The following WDR5 variants were observed in gnomAD, a reference collection of about 807,000 sequenced individuals.
The protein encoded by WDR5 is WD repeat domain 5, also known as WD repeat-containing protein 5.
For synonymous variants in WDR5, 144 were observed against 161.6 expected (o/e 0.89, Z 0.83); for missense variants, 187 against 416.9 (o/e 0.45, Z 4.80).
chr9:134,148,546 T>C (rs557533383), intron 8 of WDR5, among the ~76,000 whole-genome samples: 126 of 151,868 alleles, frequency 8.3e-4, no homozygotes, highest in African/African-American at 2.6e-3. Context: ...TGGGGCGGCA[T>C]GCCTGGGAAG....
chr9:134,142,542 T>G, intron 6 of WDR5, 94 bp from the exon 7 acceptor site: 1 of 1,557,840 alleles, frequency 6.4e-7, no homozygotes, highest in Non-Finnish European at 8.8e-7. Flanking sequence ...CTGTGCTGTT[T>G]GTGGGGAGGA....
At chr9:134,140,468 G>A (rs28436125) in intron 2 of WDR5, among the ~76,000 whole-genome samples, 3,041 of 152,252 alleles carry the variant, frequency 0.02, 45 homozygotes, top group Middle Eastern at 0.031. Context: ...TGCTGTTGGT[G>A]CTGAGTTTGG....
chr9:134,143,715 G>T (rs1327973490), intron 7 of WDR5, among the ~76,000 whole-genome samples: 1 of 151,826 alleles, frequency 6.6e-6, no homozygotes, highest in Admixed American at 6.6e-5. Context: ...TTTTAGTAGA[G>T]ACGGGGTTTC....
Position 134,146,531 on chromosome 9 carries a change from C to T in WDR5, c.529-1757C>T, listed in dbSNP as rs142263384. ...GATTACAGGCGTAAGCCACCGCGCC[C>T]GGCCTCCCTTATCTACCTCCTCGAA... On this transcript the variant is annotated intron_variant, in intron 7 of 13. Transcript: ENST00000358625. Among the ~76,000 whole-genome samples the T allele has an allele frequency of 3.1e-3, 468 of 152,344 alleles. 4 individuals carry two copies. The highest frequency in any genetic ancestry group is 0.01 in the African/African-American group (435 of 41,584).
At position 134,157,817 on chromosome 9, in the gene WDR5, T is replaced by C. The variant is rs924430993; in HGVS notation, c.905-76T>C. On this transcript the variant is annotated intron_variant, in intron 13 of 13. Coordinates refer to ENST00000358625, the MANE Select transcript of WDR5 (RefSeq NM_017588.3). This position sits in a 1 kb window ranked among gnomAD's most constrained non-coding sequence, Gnocchi z 5.0. ...CGCTACCCGCGTTTCTGGAGAAAGG[T>C]GGAGCTCAGTCTGGGATGGCGTCCC... 2 of 1,424,658 alleles carry C rather than the reference T, an allele frequency of 1.4e-6. No individual in the cohort carries two copies. The highest frequency in any genetic ancestry group is 2.0e-6 in the Non-Finnish European group (2 of 1,014,908). 88.3% of individuals were successfully genotyped at this position (1,424,658 alleles called of 1,614,324 possible). A position where few individuals can be genotyped will look rare whatever the true frequency, so the allele number is the denominator to read the frequency against.
At chr9:134,155,614 C>T (rs148171162) in intron 11 of WDR5, 79 bp from the exon 12 acceptor site, 102 of 1,461,656 alleles carry the variant, frequency 7.0e-5, no homozygotes, top group East Asian at 1.6e-4. Context: ...AGTAGTGAAA[C>T]GCCTTGCTTA....
chr9:134,153,181 TTG>T (rs1832580428), intron 9 of WDR5, among the ~76,000 whole-genome samples: 1 of 152,184 alleles, frequency 6.6e-6, no homozygotes, highest in African/African-American at 2.4e-5. Flanking sequence ...TGCGCCGCTG[TTG>T]TGTGAGCACA....
At chr9:134,146,947 G>A (rs2132552389) in intron 7 of WDR5, among the ~76,000 whole-genome samples, 2 of 152,346 alleles carry the variant, frequency 1.3e-5, no homozygotes, top group South Asian at 4.1e-4. Flanking sequence ...TGTGTCTGCT[G>A]GAGAACATCT....
In WDR5 at chr9:134,142,683, C is replaced by G; in HGVS notation, c.492C>G (p.Leu164=). The change falls in exon 7 of 14, where the codon CTC becomes CTG. Residue 164 remains leucine, a synonymous_variant. Transcript: ENST00000358625. ...GGGATGTGAAAACAGGGAAGTGCCT[C>G]AAGACTTTGCCAGCTCACTCGGATC... ...RIWDVKTGKC[L]KTLPAHSDPV... 6.2e-7 allele frequency: 1 copy of G among 1,613,900 alleles called. No homozygotes were observed. The highest frequency in any genetic ancestry group is 1.7e-5 in the Admixed American group (1 of 59,992).
chr9:134,156,544 C>G lies in WDR5; in HGVS notation c.855C>G (p.Ile285Met), dbSNP rs756017391. ...VSGSEDNLVY[I>M]WNLQTKEIVQ... ...GCTCAGAGGATAACCTTGTTTACAT[C>G]TGGAACCTTCAGACGAAAGAGATTG... Residue 285 changes from isoleucine (I) to methionine (M), a missense_variant, in exon 13 of 14, where the codon ATC becomes ATG. Transcript: ENST00000358625. 1 of 1,614,214 alleles carries G rather than the reference C, an allele frequency of 6.2e-7. No homozygotes were observed. Among genetic ancestry groups the G allele is most frequent in the South Asian group, 1.1e-5 (1 of 91,088 alleles).
intron 1 of WDR5, among the ~76,000 whole-genome samples, chr9:134,137,680 A>C (rs552358247): frequency 1.4e-4 from 19 of 137,808 alleles, no homozygotes; most frequent in Admixed American, 3.7e-4. Flanking sequence ...AAAAAAAACA[A>C]AAACAAAAAA....
chr9:134,147,984 G>A (rs1353361439), intron 7 of WDR5, among the ~76,000 whole-genome samples: 7 of 152,090 alleles, frequency 4.6e-5, no homozygotes, highest in African/African-American at 7.2e-5. Context: ...GTGAAACCCC[G>A]TCTCTCCTAA....
intron 7 of WDR5, among the ~76,000 whole-genome samples, chr9:134,145,774 G>A (rs763142067): frequency 1.3e-5 from 2 of 152,182 alleles, no homozygotes; most frequent in South Asian, 2.1e-4. Flanking sequence ...CACAGCCCTC[G>A]CGCCCTCCTT....
At chr9:134,140,926 C>T in intron 3 of WDR5, 115 bp downstream of exon 3, 1 of 954,248 alleles carries the variant, frequency 1.0e-6, no homozygotes. Flanking sequence ...TAGCAGGCCG[C>T]TGGGGGGCAC....
chr9:134,151,891 G>T (rs1238797164), intron 8 of WDR5, 92 bp from the exon 9 acceptor site: 2 of 1,269,050 alleles, frequency 1.6e-6, no homozygotes, highest in Non-Finnish European at 2.2e-6. Flanking sequence ...AGGGAAAAGC[G>T]TGCTAGTCCT....
chr9:134,155,655 CCAT>C, intron 11 of WDR5, 35 bp from the exon 12 acceptor site: 1 of 1,600,268 alleles, frequency 6.2e-7, no homozygotes, highest in Non-Finnish European at 8.6e-7. Flanking sequence ...TCAAGGGGAA[CCAT>C]GACTCTGTGA....
At chr9:134,141,169 C>G (rs1480348418) in intron 3 of WDR5, among the ~76,000 whole-genome samples, 1 of 152,150 alleles carries the variant, frequency 6.6e-6, no homozygotes, top group Admixed American at 6.5e-5. Context: ...GCCTGTAGTC[C>G]CAGCTACTCA....
chr9:134,154,482 C>A lies in WDR5; in HGVS notation c.648C>A (p.Pro216=), dbSNP rs775415499. 2 of 1,614,172 alleles carry A rather than the reference C, an allele frequency of 1.2e-6. No individual in the cohort carries two copies. The highest frequency in any genetic ancestry group is 1.7e-6 in the Non-Finnish European group (2 of 1,180,024). ...LKTLIDDDNP[P]VSFVKFSPNG... is the part of the protein sequence containing the mutation. Reference sequence around the variant, plus strand: ...TTATTGCAGATGACGACAACCCCCCCGTGTCTTTTGTGAAGTTCTCCCCGA... The same window carrying A: ...TTATTGCAGATGACGACAACCCCCCAGTGTCTTTTGTGAAGTTCTCCCCGA... Residue 216 remains proline, a synonymous_variant, in exon 10 of 14, where the codon CCC becomes CCA. Coordinates refer to ENST00000358625, the MANE Select transcript of WDR5 (RefSeq NM_017588.3).
At chr9:134,136,648 C>G (rs1374997574) in intron 1 of WDR5, among the ~76,000 whole-genome samples, 1 of 152,218 alleles carries the variant, frequency 6.6e-6, no homozygotes, top group Admixed American at 6.5e-5. Context: ...TCACCCCAAC[C>G]CGAGGCAGCC....
Sources: allele counts gnomAD v4.1 joint callset (sites outside exome capture counted in the v4.1 genomes callset), GRCh38; gene constraint gnomAD v4.1.1; non-coding constraint Gnocchi (gnomAD v3.1); transcripts MANE v1.5; gene names NCBI Gene and HGNC (gene_info 2026-07-23, HGNC 2026-07-21).